The following ZBTB20 variants were observed in gnomAD, a reference collection of about 807,000 sequenced individuals.
ZBTB20 encodes zinc finger and BTB domain containing 20.
ZBTB20 carries 9 observed loss-of-function variants against 56.9 expected under a neutral mutation model. The observed-to-expected ratio is 0.16, with a 90% CI of 0.10 to 0.28. ZBTB20 has a LOEUF of 0.28. ZBTB20 is among the 10% of genes least tolerant of loss of function. ZBTB20 has a pLI of 1.00. For synonymous variants in ZBTB20, 417 were observed against 420.7 expected (o/e 0.99, Z 0.11); for missense variants, 655 against 1,003.0 (o/e 0.65, Z 4.69).
At chr3:114,814,657 TG>T (rs2072792740) in intron 4 of ZBTB20, among the ~76,000 whole-genome samples, 1 of 152,206 alleles carries the variant, frequency 6.6e-6, no homozygotes, top group Admixed American at 6.5e-5. Context: ...CTAAGTCACC[TG>T]AAGATGATTC....
chr3:114,858,784 A>G (rs942570394), intron 4 of ZBTB20, among the ~76,000 whole-genome samples: 10 of 152,138 alleles, frequency 6.6e-5, no homozygotes, highest in African/African-American at 1.9e-4. Flanking sequence ...ATATTTTTAG[A>G]CAAATTACAC....
At chr3:114,640,353 A>T (rs576520228) in intron 6 of ZBTB20, among the ~76,000 whole-genome samples, 50 of 152,242 alleles carry the variant, frequency 3.3e-4, no homozygotes, top group African/African-American at 1.1e-3. Context: ...ATGCACCAGC[A>T]TTCTGCTATC....
chr3:114,635,059 C>T (rs1266224492), intron 6 of ZBTB20, among the ~76,000 whole-genome samples: 1 of 152,174 alleles, frequency 6.6e-6, no homozygotes, highest in Non-Finnish European at 1.5e-5. Context: ...TCAGAGTTCC[C>T]TCTGTGAAGC....
chr3:115,019,109 A>T (rs1338805616), intron 2 of ZBTB20, among the ~76,000 whole-genome samples: 1 of 151,244 alleles, frequency 6.6e-6, no homozygotes, highest in Non-Finnish European at 1.5e-5. Context: ...ACCTACCCTG[A>T]CTAAATATTT....
chr3:114,879,623 A>C (rs1418322144), intron 4 of ZBTB20, among the ~76,000 whole-genome samples: 4 of 152,214 alleles, frequency 2.6e-5, no homozygotes, highest in Non-Finnish European at 5.9e-5. Flanking sequence ...AGAGATTGTC[A>C]GTAAGTTTTA....
intron 6 of ZBTB20, among the ~76,000 whole-genome samples, chr3:114,691,830 C>G (rs1210809853): frequency 6.6e-6 from 1 of 151,778 alleles, no homozygotes; most frequent in Non-Finnish European, 1.5e-5. Flanking sequence ...CATTTTACTC[C>G]TATGTGTTTT....
chr3:114,858,921 A>C (rs1432656674), intron 4 of ZBTB20, among the ~76,000 whole-genome samples: 1 of 152,146 alleles, frequency 6.6e-6, no homozygotes, highest in Non-Finnish European at 1.5e-5. Context: ...TACATATTGC[A>C]GGTATTTGAA....
chr3:114,499,710 T>C (rs2043716086), intron 7 of ZBTB20, among the ~76,000 whole-genome samples: 1 of 152,038 alleles, frequency 6.6e-6, no homozygotes, highest in African/African-American at 2.4e-5. Context: ...GAACGTTCTC[T>C]TTTTTTTCAT....
chr3:114,673,868 A>G (rs2061491955), intron 6 of ZBTB20, among the ~76,000 whole-genome samples: 1 of 152,178 alleles, frequency 6.6e-6, no homozygotes, highest in African/African-American at 2.4e-5. Flanking sequence ...CCTAAAAAGC[A>G]TTGACATTAT....
chr3:114,773,435 A>C (rs1300167300), intron 5 of ZBTB20, among the ~76,000 whole-genome samples: 35 of 152,246 alleles, frequency 2.3e-4, no homozygotes, highest in Admixed American at 2.3e-3. Flanking sequence ...CTATGAAAAA[A>C]GAAAGTTCTT....
In ZBTB20 at chr3:115,118,748, G is replaced by A. The variant is rs1354700821; in HGVS notation, c.-703+28471C>T. 3.6e-5 allele frequency among the ~76,000 whole-genome samples: 4 copies of A among 110,352 alleles called. No individual in the cohort carries two copies. In the East Asian group the frequency reaches 1.2e-3, roughly 32 times the overall value. 72.4% of individuals were successfully genotyped at this position (110,352 alleles called of 152,430 possible). A position where few individuals can be genotyped will look rare whatever the true frequency, so the allele number is the denominator to read the frequency against. On this transcript the variant is annotated intron_variant, in intron 1 of 11. Transcript: ENST00000675478. ...TTTTTTTTTTTTGAGACGGAGTCTCGCTCTGTCGCCCAGGCTGGATGGAGT... is the reference window on the plus strand; with the variant it reads ...TTTTTTTTTTTTGAGACGGAGTCTCACTCTGTCGCCCAGGCTGGATGGAGT...
rs559778383 is a variant in ZBTB20 at position 115,006,456 on chromosome 3, G to C, written c.-506-32040C>G. ...TAAATATAGTCATAAAATTTATCCA[G>C]TTGGATATATATATATATATATATA... On this transcript the variant is annotated intron_variant, in intron 2 of 11. Transcript: ENST00000675478. Among the ~76,000 whole-genome samples, 881 of 147,384 alleles carry C rather than the reference G, an allele frequency of 6.0e-3. 10 individuals carry two copies. Among genetic ancestry groups the C allele is most frequent in the African/African-American group, 0.021 (841 of 39,532 alleles).
chr3:114,765,060 G>C (rs1000974211), intron 5 of ZBTB20, among the ~76,000 whole-genome samples: 2 of 152,144 alleles, frequency 1.3e-5, no homozygotes, highest in Non-Finnish European at 1.5e-5. Flanking sequence ...CTCTATCTCA[G>C]AATGAAGAGG....
At chr3:114,885,696 A>G (rs1419785240) in intron 4 of ZBTB20, among the ~76,000 whole-genome samples, 2 of 152,056 alleles carry the variant, frequency 1.3e-5, no homozygotes, top group Non-Finnish European at 2.9e-5. Flanking sequence ...CTATATTATC[A>G]TTTCAGGGAT....
rs139837140 is a variant in ZBTB20, at chr3:114,667,393, T to C, written c.-295+26135A>G. On this transcript the variant is annotated intron_variant, in intron 6 of 11. Coordinates refer to ENST00000675478, the MANE Select transcript of ZBTB20 (RefSeq NM_001348800.3). ...CAACTTATTCTGATATGAACCTCAA[T>C]GTGATCTGATTGCAGGCTGCAATGA... Among the ~76,000 whole-genome samples the C allele has an allele frequency of 1.5e-4, 23 of 152,176 alleles. No homozygotes were observed. In the East Asian group the frequency reaches 3.5e-3, roughly 23 times the overall value.
intron 3 of ZBTB20, among the ~76,000 whole-genome samples, chr3:114,961,233 C>A (rs1228738329): frequency 6.7e-6 from 1 of 150,120 alleles, no homozygotes; most frequent in Admixed American, 6.6e-5. Flanking sequence ...AATTCCTAGT[C>A]AAATATGTCA....
chr3:114,893,084 G>A (rs968584509), intron 4 of ZBTB20, among the ~76,000 whole-genome samples: 3 of 151,986 alleles, frequency 2.0e-5, no homozygotes, highest in Admixed American at 6.6e-5. Context: ...TCCGGACTTC[G>A]CTCCAAACCT....
At chr3:114,638,379 C>T (rs1356907631) in intron 6 of ZBTB20, among the ~76,000 whole-genome samples, 1 of 152,040 alleles carries the variant, frequency 6.6e-6, no homozygotes, top group African/African-American at 2.4e-5. Flanking sequence ...TTATCATATA[C>T]CAGGAATTTC....
intron 2 of ZBTB20, among the ~76,000 whole-genome samples, chr3:114,984,575 T>C (rs1483871293): frequency 6.6e-6 from 1 of 151,992 alleles, no homozygotes; most frequent in Non-Finnish European, 1.5e-5. Context: ...ATTCCCAATT[T>C]CTCCCAAACT....
Sources: gnomAD v4.1 joint callset for allele counts (sites outside exome capture counted in the v4.1 genomes callset) on GRCh38, gnomAD v4.1.1 for gene constraint, MANE v1.5 for transcripts, NCBI Gene and HGNC (gene_info 2026-07-23, HGNC 2026-07-21) for gene names.